The following MCM5 variants were observed in gnomAD, a reference collection of about 807,000 sequenced individuals.
The protein encoded by MCM5 is minichromosome maintenance complex component 5.
A neutral mutation model predicts 79.9 loss-of-function variants in MCM5; 46 were observed. The ratio of observed to expected loss-of-function variants is 0.58; its 90% CI spans 0.45 to 0.74. MCM5 has a LOEUF of 0.74. MCM5 is among the 30% of genes least tolerant of loss of function. The pLI is 0.00. For synonymous variants in MCM5, 404 were observed against 390.5 expected (o/e 1.03, Z -0.41); for missense variants, 883 against 1,017.0 (o/e 0.87, Z 1.79).
the MCM5 span, among the ~76,000 whole-genome samples, chr22:35,443,572 CTTT>C: frequency 4.6e-5 from 7 of 152,234 alleles, no homozygotes; most frequent in Admixed American, 6.5e-5. Context: ...GCCTGTGAAT[CTTT>C]TCCTGCCTGA....
the MCM5 span, among the ~76,000 whole-genome samples, chr22:35,442,050 TCTGATCGAGCTACTCC>T: frequency 0.13 from 20,071 of 151,980 alleles, 1,394 homozygotes; most frequent in East Asian, 0.15. Flanking sequence ...CGAATCTAAA[TCTGATCGAGCTACTCC>T]CTGCTCAGGA....
At chr22:35,448,754 C>T in the MCM5 span, among the ~76,000 whole-genome samples, 32 of 152,210 alleles carry the variant, frequency 2.1e-4, no homozygotes, top group African/African-American at 5.5e-4. Flanking sequence ...TCAAACAACA[C>T]GCATTATTCT....
rs544188888 is a variant in MCM5, at chr22:35,418,396, C to T, written c.1703+540C>T. Among the ~76,000 whole-genome samples the T allele has an allele frequency of 2.0e-5, 3 of 152,232 alleles. No individual in the cohort carries two copies. In the East Asian group the frequency reaches 5.8e-4, roughly 29 times the overall value. On this transcript the variant is annotated intron_variant, in intron 13 of 16. Coordinates refer to ENST00000216122, the MANE Select transcript of MCM5 (RefSeq NM_006739.4). ...ATAGTACTGGCTGGTTGCAGTGGCT[C>T]ACGCTGTAATCCCAGCACTTTGGGA...
rs1189198075 is a variant in MCM5, at chr22:35,424,288, C to T, written c.*33C>T. On this transcript the variant is annotated 3_prime_UTR_variant, in exon 17 of 17. Transcript: ENST00000216122. Reference sequence around the variant, plus strand: ...CGCCTCACTGGACTCATGGACTCGCCCACGCCTCGCCCCTCCTGCCGCTGC... The same window carrying T: ...CGCCTCACTGGACTCATGGACTCGCTCACGCCTCGCCCCTCCTGCCGCTGC... 1.4e-6 allele frequency: 2 copies of T among 1,434,616 alleles called. No homozygotes were observed. The highest frequency in any genetic ancestry group is 1.9e-6 in the Non-Finnish European group (2 of 1,054,980). 88.9% of individuals were successfully genotyped at this position (1,434,616 alleles called of 1,614,324 possible).
chr22:35,428,650 T>C (rs923160364), downstream of MCM5, among the ~76,000 whole-genome samples: 1 of 152,100 alleles, frequency 6.6e-6, no homozygotes, highest in Non-Finnish European at 1.5e-5. Context: ...TGTTGTAAGG[T>C]AGTAAGCTCC....
the MCM5 span, among the ~76,000 whole-genome samples, chr22:35,445,450 T>G: frequency 6.8e-6 from 1 of 147,376 alleles, no homozygotes; most frequent in Non-Finnish European, 1.5e-5. Context: ...TGTCTCAGCC[T>G]CCTGAGTAGC....
intron 9 of MCM5, among the ~76,000 whole-genome samples, chr22:35,414,582 G>A (rs1932485365): frequency 6.6e-6 from 1 of 152,072 alleles, no homozygotes; most frequent in South Asian, 2.1e-4. Flanking sequence ...TTGTGCCACT[G>A]CACTCCAGCC....
downstream of MCM5, among the ~76,000 whole-genome samples, chr22:35,428,466 A>G (rs1277342964): frequency 6.6e-6 from 1 of 151,688 alleles, no homozygotes; most frequent in Admixed American, 6.6e-5. Flanking sequence ...AGCCAGGATT[A>G]AAGGAGTTAA....
At chr22:35,431,461 G>T in the MCM5 span, among the ~76,000 whole-genome samples, 3 of 152,122 alleles carry the variant, frequency 2.0e-5, no homozygotes, top group Non-Finnish European at 4.4e-5. Context: ...AAATATACAC[G>T]TGTATTATTT....
chr22:35,453,819 T>TATAGAGAGAGAGAGAGAGAG, the MCM5 span, among the ~76,000 whole-genome samples: 1 of 81,548 alleles, frequency 1.2e-5, no homozygotes, highest in African/African-American at 6.0e-5. Flanking sequence ...TATATATATA[T>TATAGAGAGAGAGAGAGAGAG]AGAGAGAGAG....
At chr22:35,446,284 C>T in the MCM5 span, among the ~76,000 whole-genome samples, 1 of 152,124 alleles carries the variant, frequency 6.6e-6, no homozygotes, top group Non-Finnish European at 1.5e-5. Flanking sequence ...GGTGTCCCTG[C>T]CATGATCCTA....
chr22:35,423,717 G>C (rs1051938792), intron 16 of MCM5: 3 of 209,312 alleles, frequency 1.4e-5, no homozygotes, highest in African/African-American at 6.9e-5. Flanking sequence ...GGAGGGTACT[G>C]TTGGCCCCAT....
chr22:35,443,488 G>A, the MCM5 span, among the ~76,000 whole-genome samples: 5 of 152,164 alleles, frequency 3.3e-5, no homozygotes, highest in Admixed American at 6.5e-5. Context: ...CATGTCTGGC[G>A]TCAAGGTGCA....
At chr22:35,409,722 G>A (rs1488594965) in intron 6 of MCM5, 1 of 152,218 alleles carries the variant, frequency 6.6e-6, no homozygotes, top group Admixed American at 6.5e-5. Context: ...ATGTTCTGAG[G>A]AGAGCGGATC....
Position 35,414,373 on chromosome 22 carries a change from G to A in MCM5, c.1203+387G>A, listed in dbSNP as rs184455547. Reference sequence around the variant, plus strand: ...GGTGGTTCATCCCTGTAATACCAGCGCTTTGGGAGGCCGAGGTGGGCGGAT... The same window carrying A: ...GGTGGTTCATCCCTGTAATACCAGCACTTTGGGAGGCCGAGGTGGGCGGAT... On this transcript the variant is annotated intron_variant, in intron 9 of 16. Coordinates refer to ENST00000216122, the MANE Select transcript of MCM5 (RefSeq NM_006739.4). 3.9e-3 allele frequency among the ~76,000 whole-genome samples: 596 copies of A among 152,156 alleles called. 7 individuals carry two copies. The highest frequency in any genetic ancestry group is 0.013 in the African/African-American group (555 of 41,498).
chr22:35,403,360 C>CA (rs752190560), intron 3 of MCM5, 27 bp downstream of exon 3: 14 of 1,613,986 alleles, frequency 8.7e-6, no homozygotes, highest in Non-Finnish European at 8.5e-7. Flanking sequence ...CCCTGAGCTT[C>CA]CCAGGGCTGC....
chr22:35,406,299 T>TCCCCCCCCCCC (rs57728496), intron 4 of MCM5, among the ~76,000 whole-genome samples: 5 of 128,560 alleles, frequency 3.9e-5, no homozygotes, highest in Non-Finnish European at 4.9e-5. Context: ...CCCTGCCACC[T>TCCCCCCCCCCC]CCCCCCCCAA....
chr22:35,442,468 C>G, the MCM5 span, among the ~76,000 whole-genome samples: 26 of 152,316 alleles, frequency 1.7e-4, no homozygotes, highest in Non-Finnish European at 1.5e-5. Flanking sequence ...TCAGCCTCAC[C>G]GGGCTACAGT....
At chr22:35,427,608 T>C (rs1281485790), downstream of MCM5, among the ~76,000 whole-genome samples, 2 of 151,962 alleles carry the variant, frequency 1.3e-5, no homozygotes, top group African/African-American at 4.8e-5. Context: ...AAAGTTTTGT[T>C]ACATGGGTAT....
Sources: allele counts gnomAD v4.1 joint callset (sites outside exome capture counted in the v4.1 genomes callset), GRCh38; gene constraint gnomAD v4.1.1; transcripts MANE v1.5; gene names NCBI Gene and HGNC (gene_info 2026-07-23, HGNC 2026-07-21).